Variants in BAZ1A observed in about 807,000 individuals in gnomAD.
BAZ1A encodes bromodomain adjacent to zinc finger domain protein 1A.
In BAZ1A, 50 loss-of-function variants were observed where a neutral mutation model predicts 185.2. The ratio of observed to expected loss-of-function variants is 0.27; its 90% CI spans 0.22 to 0.34. BAZ1A has a LOEUF of 0.34. BAZ1A is among the 10% of genes least tolerant of loss of function. The probability of loss-of-function intolerance (pLI) is 1.00; values close to 1 mark genes in which losing one functional copy is unlikely to be tolerated. For missense variants in BAZ1A, 1,356 were observed against 1,839.9 expected (o/e 0.74, Z 4.81); for synonymous variants, 571 against 615.6 (o/e 0.93, Z 1.07).
chr14:34,853,612 C>G (rs2042630318), intron 3 of BAZ1A, among the ~76,000 whole-genome samples: 1 of 152,124 alleles, frequency 6.6e-6, no homozygotes, highest in South Asian at 2.1e-4. Flanking sequence ...TGGTGAAACT[C>G]TGTCTTTACT....
chr14:34,810,521 G>A (rs2041915238), intron 5 of BAZ1A, among the ~76,000 whole-genome samples: 1 of 152,072 alleles, frequency 6.6e-6, no homozygotes, highest in Non-Finnish European at 1.5e-5. Flanking sequence ...TAAAAATTGA[G>A]TTATCTCATG....
intron 12 of BAZ1A, among the ~76,000 whole-genome samples, chr14:34,791,677 C>G (rs1594844634): frequency 1.3e-5 from 2 of 152,280 alleles, no homozygotes; most frequent in East Asian, 3.9e-4. Context: ...ATTCTGATAT[C>G]AAGATGTCTC....
At chr14:34,755,216 A>G (rs1469052618) in intron 25 of BAZ1A, among the ~76,000 whole-genome samples, 1 of 152,212 alleles carries the variant, frequency 6.6e-6, no homozygotes, top group Non-Finnish European at 1.5e-5. Flanking sequence ...TGTATGTAAC[A>G]AAGTGTACTT....
chr14:34,778,890 T>G (rs574708759), intron 17 of BAZ1A, among the ~76,000 whole-genome samples: 1 of 152,362 alleles, frequency 6.6e-6, no homozygotes, highest in East Asian at 1.9e-4. Context: ...GACCTTGCTC[T>G]GTTGCCCAGG....
intron 9 of BAZ1A, among the ~76,000 whole-genome samples, chr14:34,796,165 T>TACACACACACACACAC (rs61285890): frequency 0.02 from 2,898 of 146,540 alleles, 71 homozygotes; most frequent in East Asian, 0.14. Flanking sequence ...TACATATACA[T>TACACACACACACACAC]ACACACACAC....
At chr14:34,819,200 GGAAAAT>G (rs1243564317) in intron 4 of BAZ1A, among the ~76,000 whole-genome samples, 1 of 148,488 alleles carries the variant, frequency 6.7e-6, no homozygotes, top group Non-Finnish European at 1.5e-5. Flanking sequence ...TTGTGAAGGA[GGAAAAT>G]GAAATTCGTG....
In BAZ1A at chr14:34,874,311, G is replaced by GTT. The variant is rs2138854631; in HGVS notation, c.113+179_113+180dup. ...GCGTTCCCCACGCGCGCCGCCGCCA[G>GTT]TTGGCCCCGCGCGTTCTCCAGGTGG... On this transcript the variant is annotated intron_variant, in intron 2 of 26. Transcript: ENST00000360310. This position sits in a 1 kb window ranked among gnomAD's most constrained non-coding sequence, Gnocchi z 4.7. The GTT allele has an allele frequency of 1.7e-6, 1 of 577,788 alleles. No homozygotes were observed. The highest frequency in any genetic ancestry group is 2.0e-5 in the African/African-American group (1 of 50,172). The allele number at this position is 577,788 out of a possible 1,614,324, so 35.8% of individuals were successfully genotyped here.
At chr14:34,800,978 T>C in intron 8 of BAZ1A, 116 bp downstream of exon 8, 1 of 668,308 alleles carries the variant, frequency 1.5e-6, no homozygotes. Flanking sequence ...AAAAAATAAC[T>C]GCACTTCAAA....
At chr14:34,758,497 T>C (rs1311908475) in intron 25 of BAZ1A, 1 of 442,676 alleles carries the variant, frequency 2.3e-6, no homozygotes, top group Non-Finnish European at 4.0e-6. Context: ...GGAGAATCGC[T>C]TGAACCTGGG....
At chr14:34,839,247 G>A (rs2138751612) in intron 3 of BAZ1A, among the ~76,000 whole-genome samples, 1 of 152,228 alleles carries the variant, frequency 6.6e-6, no homozygotes, top group South Asian at 2.1e-4. Context: ...ACATAACTGT[G>A]TCAAATTTCA....
intron 2 of BAZ1A, among the ~76,000 whole-genome samples, chr14:34,871,387 A>C (rs1008118546): frequency 2.6e-5 from 4 of 152,218 alleles, no homozygotes; most frequent in Admixed American, 2.6e-4. Context: ...AGACTACATT[A>C]TGCACCTTAG....
At chr14:34,781,730 C>A (rs1210140526) in intron 16 of BAZ1A, among the ~76,000 whole-genome samples, 1 of 152,228 alleles carries the variant, frequency 6.6e-6, no homozygotes, top group Non-Finnish European at 1.5e-5. Flanking sequence ...CTCCTGACCT[C>A]AGGTGATCCG....
chr14:34,824,093 G>A (rs961274264), intron 4 of BAZ1A, among the ~76,000 whole-genome samples: 5 of 151,654 alleles, frequency 3.3e-5, no homozygotes, highest in East Asian at 1.9e-4. Context: ...CAAGTTGGCC[G>A]GGCACAGTGG....
In BAZ1A at chr14:34,874,278, A is replaced by C; in HGVS notation, c.113+214T>G. 1.9e-6 allele frequency: 1 copy of C among 524,990 alleles called. No individual in the cohort carries two copies. The highest frequency in any genetic ancestry group is 3.4e-6 in the Non-Finnish European group (1 of 296,344). 32.5% of individuals were successfully genotyped at this position (524,990 alleles called of 1,614,324 possible). A position where few individuals can be genotyped will look rare whatever the true frequency, so the allele number is the denominator to read the frequency against. On this transcript the variant is annotated intron_variant, in intron 2 of 26. Coordinates refer to ENST00000360310, the MANE Select transcript of BAZ1A (RefSeq NM_013448.3). The surrounding 1 kb of genome is among the most constrained non-coding windows in gnomAD (Gnocchi z 4.7). Reference sequence around the variant, plus strand: ...CAGGGACCCAGCCTCCTCCGCCACTACCAACCCGCGTTCCCCACGCGCGCC... The same window carrying C: ...CAGGGACCCAGCCTCCTCCGCCACTCCCAACCCGCGTTCCCCACGCGCGCC...
chr14:34,843,037 T>C (rs991858096), intron 3 of BAZ1A, among the ~76,000 whole-genome samples: 5 of 151,788 alleles, frequency 3.3e-5, no homozygotes, highest in Admixed American at 1.3e-4. Context: ...AAAAGTTTAG[T>C]AGTCTTGTAT....
intron 3 of BAZ1A, among the ~76,000 whole-genome samples, chr14:34,832,352 A>C (rs1161682198): frequency 6.6e-6 from 1 of 151,368 alleles, no homozygotes; most frequent in East Asian, 1.9e-4. Flanking sequence ...AAGAAACTAA[A>C]GAAGAGGGAA....
chr14:34,812,760 A>ATCCTCTT (rs2041948152), intron 4 of BAZ1A, among the ~76,000 whole-genome samples: 1 of 152,248 alleles, frequency 6.6e-6, no homozygotes, highest in Non-Finnish European at 1.5e-5. Context: ...ATAAAGTTAC[A>ATCCTCTT]TAAATATAGC....
intron 20 of BAZ1A, 118 bp downstream of exon 20, chr14:34,773,454 T>C: frequency 1.1e-6 from 1 of 883,856 alleles, no homozygotes; most frequent in South Asian, 1.9e-5. Context: ...ATCAAGGTCC[T>C]CACGACAAGT....
intron 3 of BAZ1A, among the ~76,000 whole-genome samples, chr14:34,838,591 G>A (rs1026667042): frequency 1.3e-4 from 19 of 151,170 alleles, no homozygotes; most frequent in Non-Finnish European, 2.2e-4. Flanking sequence ...GCGCAATCTC[G>A]GCTCACTGCA....
Sources: gnomAD v4.1 joint callset for allele counts (sites outside exome capture counted in the v4.1 genomes callset) on GRCh38, gnomAD v4.1.1 for gene constraint, Gnocchi (gnomAD v3.1) non-coding constraint, MANE v1.5 for transcripts, NCBI Gene and HGNC (gene_info 2026-07-23, HGNC 2026-07-21) for gene names.